PCDH11X: variants seen among roughly 807,000 people sequenced by gnomAD.
PCDH11X encodes the protein protocadherin-11 X-linked.
PCDH11X carries 18 observed loss-of-function variants against 53.3 expected under a neutral mutation model. That is an observed-to-expected ratio of 0.34 (90% CI 0.23 to 0.50). The LOEUF is 0.50. Among genes scored for constraint, PCDH11X ranks in the 20% least tolerant of loss-of-function variants. The probability of loss-of-function intolerance (pLI) is 0.98; values close to 1 mark genes in which losing one functional copy is unlikely to be tolerated. For synonymous variants in PCDH11X, 279 were observed against 393.3 expected (o/e 0.71, Z 3.44); for missense variants, 570 against 1,032.4 (o/e 0.55, Z 6.14).
intron 7 of PCDH11X, among the ~76,000 whole-genome samples, chrX:92,204,634 G>A (rs1188413995): frequency 8.9e-6 from 1 of 112,193 alleles, no homozygotes; most frequent in Non-Finnish European, 1.9e-5. Context: ...TGTTGAAACT[G>A]TTCCAACCTC....
At chrX:91,927,907 A>T in intron 6 of PCDH11X, among the ~76,000 whole-genome samples, 1 of 111,208 alleles carries the variant, frequency 9.0e-6, no homozygotes, top group Non-Finnish European at 1.9e-5. Context: ...GGTGTGGAGG[A>T]GGAAGAATTG....
In PCDH11X at chrX:91,809,520, G is replaced by C. The variant is rs1936230976; in HGVS notation, c.-324G>C. On this transcript the variant is annotated 5_prime_UTR_variant, in exon 2 of 11. Transcript: ENST00000682573. ...ATGGATGAATGGATGGAAGAGGATG[G>C]AATATCTTAACAAAACACATTTTCC... Among the ~76,000 whole-genome samples the C allele has an allele frequency of 9.4e-6, 1 of 106,325 alleles. No individual in the cohort carries two copies. Among genetic ancestry groups the C allele is most frequent in the South Asian group, 4.3e-4 (1 of 2,341 alleles). The allele number at this position is 106,325 out of a possible 115,157, so 92.3% of individuals were successfully genotyped here.
intron 1 of PCDH11X, among the ~76,000 whole-genome samples, chrX:91,807,122 T>G (rs1235784613): frequency 9.8e-6 from 1 of 102,460 alleles, no homozygotes; most frequent in Non-Finnish European, 2.0e-5. Flanking sequence ...GGAGGATGGC[T>G]TGAGAATAGG....
intron 6 of PCDH11X, among the ~76,000 whole-genome samples, chrX:92,093,691 T>C (rs184867041): frequency 1.8e-5 from 2 of 111,237 alleles, no homozygotes; most frequent in African/African-American, 6.5e-5. Context: ...CAGGAATTTA[T>C]CTGTATGAAA....
At chrX:91,958,843 C>A (rs1007661035) in intron 6 of PCDH11X, among the ~76,000 whole-genome samples, 25 of 107,514 alleles carry the variant, frequency 2.3e-4, no homozygotes, top group African/African-American at 8.6e-4. Flanking sequence ...ACTTGTTCTT[C>A]TCTCACTGTT....
At chrX:91,809,091 T>C (rs1936214315) in intron 1 of PCDH11X, among the ~76,000 whole-genome samples, 1 of 108,011 alleles carries the variant, frequency 9.3e-6, no homozygotes, top group Non-Finnish European at 1.9e-5. Context: ...ATAAAACATA[T>C]TCTTCTTCTG....
At chrX:91,834,243 A>C (rs1203040152) in intron 4 of PCDH11X, among the ~76,000 whole-genome samples, 1 of 111,523 alleles carries the variant, frequency 9.0e-6, no homozygotes, top group Non-Finnish European at 1.9e-5. Context: ...AAAATAGAGA[A>C]TAAGAATTGA....
chrX:92,013,295 G>T (rs1018272023), intron 6 of PCDH11X, among the ~76,000 whole-genome samples: 12 of 111,513 alleles, frequency 1.1e-4, no homozygotes, highest in Non-Finnish European at 2.1e-4. Context: ...GCTTCAAAGA[G>T]AATAAAATAC....
Position 92,618,729 on chromosome X carries a change from T to C in PCDH11X, c.3833T>C (p.Leu1278Ser). Residue 1278 changes from leucine (L) to serine (S), a missense_variant, in exon 11 of 11, where the codon TTG (leucine) becomes TCG (serine). Coordinates refer to ENST00000682573, the MANE Select transcript of PCDH11X (RefSeq NM_032968.5). ...HRSQAQSSVS[L>S]QQGWVQGADG... ...AGTCAGGCCCAATCATCAGTCAGTT[T>C]GCAGCAAGGTTGGGTGCAAGGTGCT... The C allele has an allele frequency of 8.3e-7, 1 of 1,212,093 alleles. No homozygotes were observed. Among genetic ancestry groups the C allele is most frequent in the East Asian group, 3.0e-5 (1 of 33,841 alleles).
At chrX:92,225,126 T>C (rs980823659) in intron 7 of PCDH11X, among the ~76,000 whole-genome samples, 1 of 111,862 alleles carries the variant, frequency 8.9e-6, no homozygotes, top group Non-Finnish European at 1.9e-5. Context: ...ACATTTTTTC[T>C]TTTAATTTTC....
chrX:92,030,406 T>C lies in PCDH11X; in HGVS notation c.3033+151133T>C, dbSNP rs1211173351. 3.7e-5 allele frequency among the ~76,000 whole-genome samples: 4 copies of C among 109,057 alleles called. No individual in the cohort carries two copies. The East Asian group carries it at 1.2e-3, about 32-fold the overall frequency. The allele number at this position is 109,057 out of a possible 115,157, so 94.7% of individuals were successfully genotyped here. A position where few individuals can be genotyped will look rare whatever the true frequency, so the allele number is the denominator to read the frequency against. Reference sequence around the variant, plus strand: ...ATATATATTTATGAGGTAGATGAGATACTTTGATACAGGTGTGCAATGCAT... The same window carrying C: ...ATATATATTTATGAGGTAGATGAGACACTTTGATACAGGTGTGCAATGCAT... On this transcript the variant is annotated intron_variant, in intron 6 of 10. Transcript: ENST00000682573.
intron 6 of PCDH11X, among the ~76,000 whole-genome samples, chrX:92,056,295 C>A (rs1209061069): frequency 2.1e-4 from 24 of 111,684 alleles, no homozygotes; most frequent in South Asian, 3.7e-4. Flanking sequence ...TGATTTTGAT[C>A]ATTTTTTTCA....
intron 8 of PCDH11X, among the ~76,000 whole-genome samples, chrX:92,326,004 G>T (rs2069321240): frequency 8.9e-6 from 1 of 112,177 alleles, no homozygotes; most frequent in South Asian, 3.7e-4. Flanking sequence ...AATAATGAAA[G>T]AAACGAGTCC....
At position 92,393,923 on chromosome X, in the gene PCDH11X, A is replaced by G. The variant is rs766298733; in HGVS notation, c.3343+5990A>G. Among the ~76,000 whole-genome samples, 543 of 110,969 alleles carry G rather than the reference A, an allele frequency of 4.9e-3. 11 individuals carry two copies. The highest frequency in any genetic ancestry group is 0.017 in the African/African-American group (529 of 30,310). ...TATATTAATTTTACCATTTAAACTGACGTGCTTTTCAAAAGTAAATCTTTC... is the reference window on the plus strand; with the variant it reads ...TATATTAATTTTACCATTTAAACTGGCGTGCTTTTCAAAAGTAAATCTTTC... On this transcript the variant is annotated intron_variant, in intron 9 of 10. Transcript: ENST00000682573.
intron 6 of PCDH11X, among the ~76,000 whole-genome samples, chrX:92,170,579 A>C (rs1486059375): frequency 4.6e-5 from 5 of 109,751 alleles, no homozygotes; most frequent in Non-Finnish European, 9.5e-5. Flanking sequence ...TCACTCAAAA[A>C]CTTAATTTCT....
intron 6 of PCDH11X, among the ~76,000 whole-genome samples, chrX:92,019,148 T>C (rs1183414280): frequency 2.7e-5 from 3 of 109,333 alleles, no homozygotes; most frequent in Admixed American, 1.0e-4. Flanking sequence ...AAACACTGCA[T>C]AGGGCTACTT....
At position 91,876,874 on chromosome X, in the gene PCDH11X, A is replaced by T; in HGVS notation, c.634A>T (p.Lys212Ter). ...TCAAAAGGAGTTAGATAGGGAAGAG[A>T]AGGATACCTACGTGATGAAAGTAAA... ...IVQKELDREE[K>*]DTYVMKVKVE... Residue 212 changes from lysine (K) to a stop codon, truncating the protein, a stop_gained, in exon 6 of 11, where the codon AAG (lysine) becomes TAG (stop). Transcript: ENST00000682573. LOFTEE classifies it high-confidence loss of function. 1 of 1,211,340 alleles carries T rather than the reference A, an allele frequency of 8.3e-7. No homozygotes were observed. The highest frequency in any genetic ancestry group is 1.7e-5 in the African/African-American group (1 of 57,694).
At chrX:91,934,467 G>A (rs1391533816) in intron 6 of PCDH11X, among the ~76,000 whole-genome samples, 4 of 110,400 alleles carry the variant, frequency 3.6e-5, no homozygotes, top group Non-Finnish European at 7.6e-5. Context: ...TGCTAAAATC[G>A]GAAATTCTTG....
intron 9 of PCDH11X, among the ~76,000 whole-genome samples, chrX:92,388,783 C>A (rs1226523494): frequency 9.6e-6 from 1 of 104,113 alleles, no homozygotes; most frequent in African/African-American, 3.5e-5. Flanking sequence ...AAAAAATGGG[C>A]CAAATACCTG....
Sources: allele counts gnomAD v4.1 joint callset (sites outside exome capture counted in the v4.1 genomes callset), GRCh38; gene constraint gnomAD v4.1.1; transcripts MANE v1.5; gene names NCBI Gene and HGNC (gene_info 2026-07-23, HGNC 2026-07-21).